FHOD3: variants seen among roughly 807,000 people sequenced by gnomAD.
FHOD3 encodes the protein FH1/FH2 domain-containing protein 3.
FHOD3 carries 90 observed loss-of-function variants against 173.0 expected under a neutral mutation model. The ratio of observed to expected loss-of-function variants is 0.52; its 90% confidence interval spans 0.44 to 0.62. FHOD3 has a LOEUF of 0.62. Among genes scored for constraint, FHOD3 ranks in the 20% least tolerant of loss-of-function variants. The probability of loss-of-function intolerance (pLI) is 0.00; values close to 1 mark genes in which losing one functional copy is unlikely to be tolerated. For missense variants in FHOD3, 1,945 were observed against 2,034.7 expected, an observed-to-expected ratio of 0.96 and a Z score of 0.85; for synonymous variants, 828 against 823.0, an observed-to-expected ratio of 1.01 and a Z score of -0.10.
chr18:36,687,026 C>T, intron 15 of FHOD3, 102 bp from the exon 16 acceptor site: 1 of 780,780 alleles, frequency 1.3e-6, no homozygotes. Flanking sequence ...GAGGCAGTGC[C>T]AGTCTTTCAT....
Position 36,625,419 on chromosome 18 carries a change from C to A in FHOD3, c.958-92C>A, listed in dbSNP as rs551013998. 5.2e-5 allele frequency: 60 copies of A among 1,158,180 alleles called. No individual in the cohort carries two copies. In the East Asian group the frequency reaches 1.4e-3, roughly 27 times the overall value. The allele number at this position is 1,158,180 out of a possible 1,614,324, so 71.7% of individuals were successfully genotyped here. ...GTTTGCGAAGACAGAGTTAAAAATC[C>A]CTATTAGGGCAATCCTGAAATGCAG... On this transcript the variant is annotated intron_variant, in intron 9 of 28. Coordinates refer to ENST00000590592, the MANE Select transcript of FHOD3 (RefSeq NM_001281740.3).
At chr18:36,692,813 A>G (rs1238747785) in intron 16 of FHOD3, among the ~76,000 whole-genome samples, 1 of 152,100 alleles carries the variant, frequency 6.6e-6, no homozygotes, top group Admixed American at 6.5e-5. Context: ...CTGCCACACC[A>G]AGGCACCCAC....
At chr18:36,608,532 A>G (rs540910636) in intron 8 of FHOD3, among the ~76,000 whole-genome samples, 19 of 152,330 alleles carry the variant, frequency 1.2e-4, no homozygotes, top group Middle Eastern at 3.4e-3. Context: ...AACCATAACA[A>G]TGCACCTTCT....
At chr18:36,553,964 G>A (rs1030013880) in intron 5 of FHOD3, among the ~76,000 whole-genome samples, 6 of 152,096 alleles carry the variant, frequency 3.9e-5, no homozygotes, top group South Asian at 2.1e-4. Flanking sequence ...TTAGAATGGC[G>A]ATCATTAAAA....
chr18:36,717,404 T>G (rs757414607), intron 18 of FHOD3, among the ~76,000 whole-genome samples: 2 of 152,260 alleles, frequency 1.3e-5, no homozygotes, highest in Non-Finnish European at 2.9e-5. Flanking sequence ...AGTGCAGATT[T>G]AGAGTAGGGG....
At chr18:36,717,303 C>T (rs1025082559) in intron 18 of FHOD3, among the ~76,000 whole-genome samples, 3 of 152,050 alleles carry the variant, frequency 2.0e-5, no homozygotes, top group African/African-American at 7.3e-5. Context: ...AGCATTCAGC[C>T]CCCTGGAGAC....
At chr18:36,622,463 A>T (rs72895562) in intron 9 of FHOD3, among the ~76,000 whole-genome samples, 2 of 152,178 alleles carry the variant, frequency 1.3e-5, no homozygotes, top group African/African-American at 4.8e-5. Context: ...TCTTGGTTAC[A>T]TGGGGATGTG....
chr18:36,524,618 C>A (rs944753341), intron 5 of FHOD3, among the ~76,000 whole-genome samples: 1 of 152,210 alleles, frequency 6.6e-6, no homozygotes, highest in Non-Finnish European at 1.5e-5. Flanking sequence ...TATCTACCCA[C>A]ATTCCCAACA....
At chr18:36,632,593 T>TC (rs1291576900) in intron 10 of FHOD3, among the ~76,000 whole-genome samples, 3 of 152,216 alleles carry the variant, frequency 2.0e-5, no homozygotes, top group Non-Finnish European at 2.9e-5. Flanking sequence ...TGTTATGGTG[T>TC]CCAATTCGTG....
intron 1 of FHOD3, among the ~76,000 whole-genome samples, chr18:36,304,278 G>A (rs1399678473): frequency 1.3e-5 from 2 of 152,152 alleles, no homozygotes; most frequent in Non-Finnish European, 2.9e-5. Flanking sequence ...ATGATGTCTA[G>A]AATTTGCTTC....
In FHOD3 at chr18:36,565,134, T is replaced by TGC. The variant is rs1204647346; in HGVS notation, c.512-11317_512-11316insGC. On this transcript the variant is annotated intron_variant, in intron 5 of 28. Transcript: ENST00000590592. Reference sequence around the variant, plus strand: ...AAGTGGAAAAGAATAATAACTAGACTCCAAGGTCTTCATTTAGTTCCAAGA... The same window carrying TGC: ...AAGTGGAAAAGAATAATAACTAGACTGCCCAAGGTCTTCATTTAGTTCCAAGA... 3.3e-5 allele frequency among the ~76,000 whole-genome samples: 5 copies of TGC among 152,174 alleles called. No individual in the cohort carries two copies. The East Asian group carries it at 9.6e-4, about 29-fold the overall frequency.
chr18:36,428,603 TC>T (rs2050376634), intron 3 of FHOD3, among the ~76,000 whole-genome samples: 2 of 152,188 alleles, frequency 1.3e-5, no homozygotes, highest in African/African-American at 4.8e-5. Context: ...TCTGTGTCTG[TC>T]TGTCTGTCTG....
intron 14 of FHOD3, among the ~76,000 whole-genome samples, chr18:36,679,147 T>C (rs916030511): frequency 2.6e-5 from 4 of 152,166 alleles, no homozygotes; most frequent in Non-Finnish European, 5.9e-5. Context: ...TCAGATTTGG[T>C]CAATTATATG....
intron 5 of FHOD3, among the ~76,000 whole-genome samples, chr18:36,527,494 C>T (rs902948218): frequency 4.6e-5 from 7 of 152,156 alleles, no homozygotes; most frequent in African/African-American, 1.7e-4. Flanking sequence ...GGTTGTATGA[C>T]CGGGCAGCAA....
intron 5 of FHOD3, among the ~76,000 whole-genome samples, chr18:36,543,252 A>G (rs2057293133): frequency 6.6e-6 from 1 of 151,800 alleles, no homozygotes; most frequent in Admixed American, 6.6e-5. Flanking sequence ...TAGTGTGTAT[A>G]TATACATATT....
In FHOD3 at chr18:36,755,099, T is replaced by TTAC. The variant is rs756310277; in HGVS notation, c.4233-18_4233-16dup. 1.3e-6 allele frequency: 2 copies of TTAC among 1,527,858 alleles called. No homozygotes were observed. The highest frequency in any genetic ancestry group is 2.8e-5 in the African/African-American group (2 of 71,476). The allele number at this position is 1,527,858 out of a possible 1,614,324, so 94.6% of individuals were successfully genotyped here. On this transcript the variant is annotated intron_variant, in intron 24 of 28. Coordinates refer to ENST00000590592, the MANE Select transcript of FHOD3 (RefSeq NM_001281740.3). ...TTTCTTAAAACGGAAGTCATTGCTA[T>TTAC]TACTGTTTTTTCCTTGCAGATTCCA... is the stretch of plus-strand genomic sequence containing the variant.
chr18:36,757,027 A>G (rs942520327), intron 25 of FHOD3, among the ~76,000 whole-genome samples: 27 of 152,176 alleles, frequency 1.8e-4, no homozygotes, highest in Admixed American at 1.6e-3. Context: ...TTTTGTGGCT[A>G]TGAGACACAT....
intron 1 of FHOD3, among the ~76,000 whole-genome samples, chr18:36,336,795 C>T (rs2145355387): frequency 7.7e-6 from 1 of 130,348 alleles, no homozygotes; most frequent in African/African-American, 2.9e-5. Flanking sequence ...TTGCAGTGAG[C>T]CAAGATTGTG....
intron 19 of FHOD3, among the ~76,000 whole-genome samples, chr18:36,727,305 G>T (rs2041127097): frequency 6.6e-6 from 1 of 152,112 alleles, no homozygotes; most frequent in South Asian, 2.1e-4. Context: ...AGAGAGCTCT[G>T]CCTTGCTCTT....
Sources: gnomAD v4.1 joint callset for allele counts (sites outside exome capture counted in the v4.1 genomes callset) on GRCh38, gnomAD v4.1.1 for gene constraint, MANE v1.5 for transcripts, NCBI Gene and HGNC (gene_info 2026-07-23, HGNC 2026-07-21) for gene names.